The following RAPGEF4 variants were observed in gnomAD, a reference collection of about 807,000 sequenced individuals.
RAPGEF4 encodes Rap guanine nucleotide exchange factor 4.
Under a neutral mutation model 147.9 loss-of-function variants are expected in RAPGEF4, and 66 were observed. The ratio of observed to expected loss-of-function variants is 0.45; its 90% CI spans 0.37 to 0.55. The LOEUF (loss-of-function observed/expected upper bound fraction) is 0.55. Among genes scored for constraint, RAPGEF4 ranks in the 20% least tolerant of loss-of-function variants. RAPGEF4 has a pLI of 0.00. For synonymous variants in RAPGEF4, 419 were observed against 442.7 expected, an observed-to-expected ratio of 0.95 and a Z score of 0.67; for missense variants, 1,071 against 1,257.3, an observed-to-expected ratio of 0.85 and a Z score of 2.24.
chr2:172,935,137 A>G (rs1686420130), intron 6 of RAPGEF4, among the ~76,000 whole-genome samples: 1 of 152,230 alleles, frequency 6.6e-6, no homozygotes, highest in Admixed American at 6.5e-5. Context: ...AGATGGTACC[A>G]TAACACTCCA....
intron 10 of RAPGEF4, among the ~76,000 whole-genome samples, chr2:172,973,798 T>A (rs577878310): frequency 4.7e-4 from 71 of 152,284 alleles, no homozygotes; most frequent in South Asian, 2.1e-3. Flanking sequence ...GATACTGAGT[T>A]TTATGAGATT....
intron 1 of RAPGEF4, among the ~76,000 whole-genome samples, chr2:172,794,080 A>T (rs1406869464): frequency 6.6e-6 from 1 of 151,782 alleles, no homozygotes; most frequent in East Asian, 1.9e-4. Context: ...GTGAGCCAAG[A>T]TTGCATCACT....
intron 9 of RAPGEF4, 170 bp from the exon 10 acceptor site, chr2:172,967,091 G>T: frequency 6.3e-6 from 4 of 633,950 alleles, no homozygotes; most frequent in Non-Finnish European, 1.1e-5. Flanking sequence ...CAGCCCCGAG[G>T]TCATGTCTTC....
At chr2:172,850,344 G>T (rs776712621) in intron 4 of RAPGEF4, among the ~76,000 whole-genome samples, 1 of 152,124 alleles carries the variant, frequency 6.6e-6, no homozygotes, top group African/African-American at 2.4e-5. Context: ...CAGGCCAGGC[G>T]TGGTGGCTCA....
rs139090150 is a variant in RAPGEF4, at chr2:172,796,021, A to G, written c.208+854A>G. ...CCCAGCAGCCTTCTTGTATTGACTC[A>G]TTGGCCAGAAATGCATCACATGCCT... On this transcript the variant is annotated intron_variant, in intron 2 of 30. Coordinates refer to ENST00000397081, the MANE Select transcript of RAPGEF4 (RefSeq NM_007023.4). 9.3e-3 allele frequency among the ~76,000 whole-genome samples: 1,418 copies of G among 152,282 alleles called. 16 individuals are homozygous for G. Among genetic ancestry groups the G allele is most frequent in the African/African-American group, 0.031 (1,302 of 41,550 alleles).
chr2:173,020,560 C>T, intron 22 of RAPGEF4, 58 bp from the exon 23 acceptor site: 2 of 1,332,936 alleles, frequency 1.5e-6, no homozygotes, highest in Admixed American at 1.7e-5. Flanking sequence ...GTGATTAGGG[C>T]AGTGCAGCAA....
rs371932729 is a variant in RAPGEF4 at position 172,918,777 on chromosome 2, A to G, written c.517+903A>G. Among the ~76,000 whole-genome samples the G allele has an allele frequency of 5.4e-4, 82 of 152,238 alleles. No homozygotes were observed. In the South Asian group the frequency reaches 0.017, roughly 32 times the overall value. On this transcript the variant is annotated intron_variant, in intron 5 of 30. Coordinates refer to ENST00000397081, the MANE Select transcript of RAPGEF4 (RefSeq NM_007023.4). The stretch of plus-strand genomic sequence containing the variant: ...TCCAGGTCCTGGAGTCTTTGGAGCT[A>G]TAGTGCTTCAGCCAGCAGACCCAGT...
intron 29 of RAPGEF4, among the ~76,000 whole-genome samples, chr2:173,047,737 C>T (rs1034923210): frequency 3.3e-5 from 5 of 150,738 alleles, no homozygotes; most frequent in South Asian, 4.2e-4. Context: ...AGTGCAGTGG[C>T]GCGATCTCGG....
intron 30 of RAPGEF4, among the ~76,000 whole-genome samples, chr2:173,049,934 G>C (rs565025057): frequency 1.3e-5 from 2 of 152,298 alleles, no homozygotes; most frequent in Non-Finnish European, 2.9e-5. Context: ...TCCAGCAGCG[G>C]GGATAAAAGG....
chr2:172,851,231 C>T (rs536728873), intron 4 of RAPGEF4, among the ~76,000 whole-genome samples: 1 of 152,066 alleles, frequency 6.6e-6, no homozygotes, highest in Non-Finnish European at 1.5e-5. Flanking sequence ...GGTTAATTTC[C>T]ATGTAATTTT....
intron 6 of RAPGEF4, among the ~76,000 whole-genome samples, chr2:172,939,255 G>A (rs990808000): frequency 2.6e-5 from 4 of 152,120 alleles, no homozygotes; most frequent in Admixed American, 2.0e-4. Flanking sequence ...TTCCAAAGTG[G>A]TTGTACCATT....
At chr2:172,980,097 T>C (rs906025486) in intron 10 of RAPGEF4, among the ~76,000 whole-genome samples, 1 of 152,136 alleles carries the variant, frequency 6.6e-6, no homozygotes, top group Non-Finnish European at 1.5e-5. Flanking sequence ...ATGCAAAAAG[T>C]CCTGCAGGCA....
chr2:172,808,528 A>C (rs959932822), intron 3 of RAPGEF4, among the ~76,000 whole-genome samples: 8 of 152,222 alleles, frequency 5.3e-5, no homozygotes, highest in Non-Finnish European at 2.9e-5. Flanking sequence ...ATAGAAAAAA[A>C]CTGCTTTGCT....
intron 4 of RAPGEF4, among the ~76,000 whole-genome samples, chr2:172,892,059 A>G (rs1697978367): frequency 6.6e-6 from 1 of 152,160 alleles, no homozygotes; most frequent in Admixed American, 6.5e-5. Flanking sequence ...ATGAAAATGG[A>G]TGAATGGCAG....
At position 172,822,047 on chromosome 2, in the gene RAPGEF4, ATTT is replaced by A; in HGVS notation, c.444+7624_444+7626del. On this transcript the variant is annotated intron_variant, in intron 4 of 30. Coordinates refer to ENST00000397081, the MANE Select transcript of RAPGEF4 (RefSeq NM_007023.4). ...GGAAATACTACATGTTACTGTTTGC[ATTT>A]TGGAATTATGCTCAAAAACATCTCT... 2.6e-6 allele frequency: 4 copies of A among 1,565,814 alleles called. No individual in the cohort carries two copies. The Admixed American group carries it at 5.2e-5, about 20-fold the overall frequency.
rs1270275306 is a variant in RAPGEF4 at position 172,865,315 on chromosome 2, C to T, written c.444+50890C>T. Among the ~76,000 whole-genome samples the T allele has an allele frequency of 3.9e-5, 6 of 152,192 alleles. No individual in the cohort carries two copies. In the South Asian group the frequency reaches 1.0e-3, roughly 26 times the overall value. On this transcript the variant is annotated intron_variant, in intron 4 of 30. Transcript: ENST00000397081. The stretch of plus-strand genomic sequence containing the variant: ...TTTTTGCAAACAGCCTCACCTCTTA[C>T]CATGCAAGATTTCAGCTTCCTGCCA...
chr2:172,904,045 G>A (rs1699366282), intron 4 of RAPGEF4, among the ~76,000 whole-genome samples: 1 of 152,166 alleles, frequency 6.6e-6, no homozygotes, highest in South Asian at 2.1e-4. Context: ...ATTACTTTCT[G>A]TGAAATGATC....
intron 4 of RAPGEF4, among the ~76,000 whole-genome samples, chr2:172,829,535 C>T (rs1005449932): frequency 3.9e-5 from 6 of 152,162 alleles, no homozygotes; most frequent in South Asian, 2.1e-4. Context: ...GTGAATAATA[C>T]GTAAGTAATG....
At chr2:172,860,093 T>C in intron 4 of RAPGEF4, 3 of 985,366 alleles carry the variant, frequency 3.0e-6, no homozygotes, top group African/African-American at 1.7e-5. Flanking sequence ...GTAGGATGCA[T>C]ACGCAGAAAC....
Sources: gnomAD v4.1 joint callset for allele counts (sites outside exome capture counted in the v4.1 genomes callset) on GRCh38, gnomAD v4.1.1 for gene constraint, MANE v1.5 for transcripts, NCBI Gene and HGNC (gene_info 2026-07-23, HGNC 2026-07-21) for gene names.